CYP27C1: variants seen among roughly 807,000 people sequenced by gnomAD.
The protein encoded by CYP27C1 is cytochrome P450 27C1.
In CYP27C1, 29 loss-of-function variants were observed where a neutral mutation model predicts 40.6. The observed-to-expected ratio is 0.71, with a 90% CI of 0.53 to 0.97. CYP27C1 has a LOEUF of 0.97. Ranked by LOEUF, CYP27C1 falls within the 50% of genes least tolerant of loss-of-function variation. CYP27C1 has a pLI of 0.00. For synonymous variants in CYP27C1, 198 were observed against 186.8 expected, an observed-to-expected ratio of 1.06 and a Z score of -0.49; for missense variants, 390 against 485.8, an observed-to-expected ratio of 0.80 and a Z score of 1.85.
At chr2:127,193,501 G>A (rs1030672610) in intron 7 of CYP27C1, among the ~76,000 whole-genome samples, 10 of 152,140 alleles carry the variant, frequency 6.6e-5, no homozygotes, top group African/African-American at 1.4e-4. Context: ...TGAGAAGACC[G>A]TCGAGCCCTT....
chr2:127,208,528 G>A lies in CYP27C1; in HGVS notation c.283-2438C>T, dbSNP rs1683276468. On this transcript the variant is annotated intron_variant, in intron 1 of 8. Transcript: ENST00000664447. The surrounding 1 kb of genome is among the most constrained non-coding windows in gnomAD (Gnocchi z 5.2). ...CGACCAGCACCAGCTGCGGCTGCCT[G>A]CTGTCTAAGTAATTTGAGCTCCTTG... is the stretch of plus-strand genomic sequence containing the variant. 6.6e-6 allele frequency among the ~76,000 whole-genome samples: 1 copy of A among 152,230 alleles called. No homozygotes were observed. Among genetic ancestry groups the A allele is most frequent in the Admixed American group, 6.5e-5 (1 of 15,286 alleles).
Position 127,201,254 on chromosome 2 carries a change from C to T in CYP27C1, c.751G>A (p.Glu251Lys), listed in dbSNP as rs548716467. The T allele has an allele frequency of 8.3e-5, 134 of 1,614,102 alleles. 2 individuals carry two copies. The highest frequency in any genetic ancestry group is 4.1e-4 in the South Asian group (37 of 91,076). ...ATGCTAAACATGAGCTCCAGGGCCT[C>T]GATGTATTCCACAGTCAGCTGTGGG... ...SIPQLTVEYIEALELMFSMFK... is the reference protein window; with the variant it reads ...SIPQLTVEYIKALELMFSMFK... Residue 251 changes from glutamate (E) to lysine (K), a missense_variant, in exon 4 of 9, where the codon GAG becomes AAG. Transcript: ENST00000664447. This position sits in a 1 kb window ranked among gnomAD's most constrained non-coding sequence, Gnocchi z 6.0.
At chr2:127,204,292 G>A (rs1440383003) in intron 2 of CYP27C1, among the ~76,000 whole-genome samples, 1 of 101,414 alleles carries the variant, frequency 9.9e-6, no homozygotes, top group African/African-American at 3.9e-5. Context: ...AAGAGAGAGA[G>A]AGAGAGAGAA....
rs1252151180 is a variant in CYP27C1 at position 127,196,563 on chromosome 2, T to C, written c.1048-1062A>G. On this transcript the variant is annotated intron_variant, in intron 5 of 8. Coordinates refer to ENST00000664447, the MANE Select transcript of CYP27C1 (RefSeq NM_001367502.1). The surrounding 1 kb of genome is among the most constrained non-coding windows in gnomAD (Gnocchi z 4.5). ...AAAAAAAACTAATTTAAGCAGGCAA[T>C]ATTGATATCATTTTCTTGTAGAAGA... 6.6e-6 allele frequency among the ~76,000 whole-genome samples: 1 copy of C among 151,716 alleles called. No individual in the cohort carries two copies. The highest frequency in any genetic ancestry group is 1.5e-5 in the Non-Finnish European group (1 of 67,968).
intron 3 of CYP27C1, among the ~76,000 whole-genome samples, chr2:127,202,896 C>T (rs974258281): frequency 9.2e-5 from 14 of 152,134 alleles, no homozygotes; most frequent in Non-Finnish European, 1.8e-4. Flanking sequence ...CAGCCAGGTG[C>T]AGTGGCTCAT....
rs1460477261 is a variant in CYP27C1, at chr2:127,201,035, G to A, written c.883+87C>T. 7.7e-7 allele frequency: 1 copy of A among 1,302,166 alleles called. No individual in the cohort carries two copies. 80.7% of individuals were successfully genotyped at this position (1,302,166 alleles called of 1,614,324 possible). ...ACTACATCTAGGCATCCTCTGCTAT[G>A]GTCACCCATTGTCTGGATGAGAGTT... On this transcript the variant is annotated intron_variant, in intron 4 of 8. Transcript: ENST00000664447. The surrounding 1 kb of genome is among the most constrained non-coding windows in gnomAD (Gnocchi z 6.0).
rs887863538 is a variant in CYP27C1, at chr2:127,195,940, C to T, written c.1048-439G>A. On this transcript the variant is annotated intron_variant, in intron 5 of 8. Coordinates refer to ENST00000664447, the MANE Select transcript of CYP27C1 (RefSeq NM_001367502.1). The surrounding 1 kb of genome is among the most constrained non-coding windows in gnomAD (Gnocchi z 6.2). ...CATCCCCAGGATGCTGGGCCCGGCC[C>T]ACTCTGGCTGCCCTAATCTAGAGAT... Among the ~76,000 whole-genome samples, 2 of 152,192 alleles carry T rather than the reference C, an allele frequency of 1.3e-5. No individual in the cohort carries two copies. The highest frequency in any genetic ancestry group is 4.8e-5 in the African/African-American group (2 of 41,446).
At position 127,204,438 on chromosome 2, in the gene CYP27C1, GAAAAAGA is replaced by G. The variant is rs1573901057; in HGVS notation, c.474-874_474-868del. Among the ~76,000 whole-genome samples the G allele has an allele frequency of 8.7e-5, 3 of 34,570 alleles. No individual in the cohort carries two copies. In the East Asian group the frequency reaches 3.3e-3, roughly 38 times the overall value. 22.7% of individuals were successfully genotyped at this position (34,570 alleles called of 152,430 possible). A position where few individuals can be genotyped will look rare whatever the true frequency, so the allele number is the denominator to read the frequency against. On this transcript the variant is annotated intron_variant, in intron 2 of 8. Transcript: ENST00000664447. Reference sequence around the variant, plus strand: ...AAAAGAAAGAGAGAAAGGAAAGAAAGAAAAAGAAAGAAAGAAAGAAAGAAAGAAAGAA... The same window carrying G: ...AAAAGAAAGAGAGAAAGGAAAGAAAGAAGAAAGAAAGAAAGAAAGAAAGAA...
chr2:127,201,417 A>G lies in CYP27C1; in HGVS notation c.674-86T>C. ...TGTTGGGCCATAAATGCAACTTTCA[A>G]ACGTGGTCCAGGTGCCTTTCATGAA... is the stretch of plus-strand genomic sequence containing the variant. On this transcript the variant is annotated intron_variant, in intron 3 of 8. Transcript: ENST00000664447. The surrounding 1 kb of genome is among the most constrained non-coding windows in gnomAD (Gnocchi z 6.0). 2 of 1,339,292 alleles carry G rather than the reference A, an allele frequency of 1.5e-6. No individual in the cohort carries two copies. The highest frequency in any genetic ancestry group is 2.1e-6 in the Non-Finnish European group (2 of 966,538). The allele number at this position is 1,339,292 out of a possible 1,614,324, so 83.0% of individuals were successfully genotyped here.
chr2:127,191,244 A>T (rs1263398494), intron 8 of CYP27C1, among the ~76,000 whole-genome samples: 2 of 152,184 alleles, frequency 1.3e-5, no homozygotes. Context: ...ACTCAAAAAA[A>T]ATAATAAAAT....
In CYP27C1 at chr2:127,204,527, AAGAAAGAAAGAG is replaced by A. The variant is rs1346027933; in HGVS notation, c.474-968_474-957del. On this transcript the variant is annotated intron_variant, in intron 2 of 8. Coordinates refer to ENST00000664447, the MANE Select transcript of CYP27C1 (RefSeq NM_001367502.1). ...AAGGAAAGAAAGAAGGAAAGAAAGA[AAGAAAGAAAGAG>A]AGAGAGAGAGAGAGAGAGAAAGAAA... Among the ~76,000 whole-genome samples the A allele has an allele frequency of 3.5e-3, 156 of 44,084 alleles. 8 individuals are homozygous for A. The highest frequency in any genetic ancestry group is 4.3e-3 in the Non-Finnish European group (98 of 22,916). 28.9% of individuals were successfully genotyped at this position (44,084 alleles called of 152,430 possible). A position where few individuals can be genotyped will look rare whatever the true frequency, so the allele number is the denominator to read the frequency against.
In CYP27C1 at chr2:127,199,331, G is replaced by C. The variant is rs954384230; in HGVS notation, c.1047+45C>G. On this transcript the variant is annotated intron_variant, in intron 5 of 8. Coordinates refer to ENST00000664447, the MANE Select transcript of CYP27C1 (RefSeq NM_001367502.1). The stretch of plus-strand genomic sequence containing the variant: ...CAACGTCCATGAGGTGATGAGGAAG[G>C]GGTTATCGTGTGTTGCTTGCTGAGA... 12 of 1,601,616 alleles carry C rather than the reference G, an allele frequency of 7.5e-6. No homozygotes were observed. In the Middle Eastern group the frequency reaches 5.6e-4, roughly 75 times the overall value.
intron 8 of CYP27C1, among the ~76,000 whole-genome samples, chr2:127,190,342 C>CTTTTTTTTTTTTTTTTTTTTT (rs1241035422): frequency 1.0e-5 from 1 of 96,640 alleles, no homozygotes; most frequent in African/African-American, 4.3e-5. Flanking sequence ...TTTTTTTTTT[C>CTTTTTTTTTTTTTTTTTTTTT]TTTTTTTTTT....
In CYP27C1 at chr2:127,201,268, G is replaced by C; in HGVS notation, c.737C>G (p.Thr246Ser). The C allele has an allele frequency of 1.2e-6, 2 of 1,614,142 alleles. No homozygotes were observed. Among genetic ancestry groups the C allele is most frequent in the Non-Finnish European group, 1.7e-6 (2 of 1,180,024 alleles). Residue 246 changes from threonine (T) to serine (S), a missense_variant, in exon 4 of 9, where the codon ACT becomes AGT. Transcript: ENST00000664447. The surrounding 1 kb of genome is among the most constrained non-coding windows in gnomAD (Gnocchi z 6.0). ...CTCCAGGGCCTCGATGTATTCCACA[G>C]TCAGCTGTGGGATGCTGTTTTCCAG... ...GCLENSIPQL[T>S]VEYIEALELM... is the part of the protein sequence containing the mutation.
In CYP27C1 at chr2:127,196,983, A is replaced by AT. The variant is rs148459951; in HGVS notation, c.1048-1483_1048-1482insA. Among the ~76,000 whole-genome samples the AT allele has an allele frequency of 1.8e-3, 277 of 152,352 alleles. 10 individuals are homozygous for AT. The East Asian group carries it at 0.048, about 26-fold the overall frequency. On this transcript the variant is annotated intron_variant, in intron 5 of 8. Coordinates refer to ENST00000664447, the MANE Select transcript of CYP27C1 (RefSeq NM_001367502.1). This position sits in a 1 kb window ranked among gnomAD's most constrained non-coding sequence, Gnocchi z 4.5. ...GTTGACTATGCATAAGTTATACCGC[A>AT]ATAAAATCATACTAATTTTTAAAAA...
intron 2 of CYP27C1, among the ~76,000 whole-genome samples, chr2:127,204,610 A>AAGCAAGCAAGCAAGC (rs1558931557): frequency 3.9e-4 from 40 of 102,670 alleles, no homozygotes; most frequent in African/African-American, 1.6e-3. Flanking sequence ...AGAAAGAAAG[A>AAGCAAGCAAGCAAGC]AAGAAAGAAA....
chr2:127,205,624 G>T (rs1403395105), intron 2 of CYP27C1: 1 of 958,408 alleles, frequency 1.0e-6, no homozygotes, highest in Non-Finnish European at 1.2e-6. Context: ...GACTCCCAAA[G>T]CCACAAAGCC....
chr2:127,203,567 C>A lies in CYP27C1; in HGVS notation c.478G>T (p.Gly160Cys), dbSNP rs768629827. 6.2e-7 allele frequency: 1 copy of A among 1,612,952 alleles called. No individual in the cohort carries two copies. Residue 160 changes from glycine (G) to cysteine (C), a missense_variant, in exon 3 of 9, where the codon GGT (glycine) becomes TGT (cysteine). Coordinates refer to ENST00000664447, the MANE Select transcript of CYP27C1 (RefSeq NM_001367502.1). ...CTTCTCATCTTGAGCCACTGTTCACCCTCCCTAGAAGAATCAAGTGAGTTT... is the reference window on the plus strand; with the variant it reads ...CTTCTCATCTTGAGCCACTGTTCACACTCCCTAGAAGAATCAAGTGAGTTT... ...GRATGLISAE[G>C]EQWLKMRSVL...
At chr2:127,193,361 C>G in intron 7 of CYP27C1, 64 bp from the exon 8 acceptor site, 1 of 1,592,824 alleles carries the variant, frequency 6.3e-7, no homozygotes, top group Non-Finnish European at 8.6e-7. Context: ...CAGGGCAGGG[C>G]CCAGAGCCCT....
Sources: allele counts gnomAD v4.1 joint callset (sites outside exome capture counted in the v4.1 genomes callset), GRCh38; gene constraint gnomAD v4.1.1; non-coding constraint Gnocchi (gnomAD v3.1); transcripts MANE v1.5; gene names NCBI Gene and HGNC (gene_info 2026-07-23, HGNC 2026-07-21).